Variants in SCD observed in about 807,000 individuals in gnomAD.
SCD encodes the protein acyl-CoA desaturase.
Under a neutral mutation model 35.7 loss-of-function variants are expected in SCD, and 4 were observed. The observed-to-expected ratio is 0.11, with a 90% CI of 0.06 to 0.26. The LOEUF (loss-of-function observed/expected upper bound fraction) is 0.26, where lower values mean the gene tolerates loss of function less well. SCD is among the 10% of genes least tolerant of loss of function. The probability of loss-of-function intolerance (pLI) is 1.00; values close to 1 mark genes in which losing one functional copy is unlikely to be tolerated. For missense variants in SCD, 282 were observed against 460.7 expected (o/e 0.61, Z 3.55); for synonymous variants, 150 against 170.2 (o/e 0.88, Z 0.92).
rs1849928248 is a variant in SCD, at chr10:100,356,419, ACAAGCAATT to A, written c.648-109_648-101del. 1.3e-6 allele frequency: 1 copy of A among 764,682 alleles called. No individual in the cohort carries two copies. Among genetic ancestry groups the A allele is most frequent in the African/African-American group, 1.8e-5 (1 of 56,272 alleles). The allele number at this position is 764,682 out of a possible 1,614,324, so 47.4% of individuals were successfully genotyped here. A position where few individuals can be genotyped will look rare whatever the true frequency, so the allele number is the denominator to read the frequency against. On this transcript the variant is annotated intron_variant, in intron 4 of 5. Transcript: ENST00000370355. The surrounding 1 kb of genome is among the most constrained non-coding windows in gnomAD (Gnocchi z 4.1). ...AATAAAACAATGAACTTAGAGTCAG[ACAAGCAATT>A]CAACATGGAAGAAAGACAGCCCATC...
In SCD at chr10:100,361,800, C is replaced by T. The variant is rs779792978; in HGVS notation, c.*867C>T. On this transcript the variant is annotated 3_prime_UTR_variant, in exon 6 of 6. Coordinates refer to ENST00000370355, the MANE Select transcript of SCD (RefSeq NM_005063.5). ...TTTCTTAGTTCATATATCAAGAAGT[C>T]TTGAAGTTGGGTGTTTCCAGAATTG... 1.3e-5 allele frequency: 2 copies of T among 152,094 alleles called. No individual in the cohort carries two copies. Among genetic ancestry groups the T allele is most frequent in the Non-Finnish European group, 2.9e-5 (2 of 68,014 alleles). 9.4% of individuals were successfully genotyped at this position (152,094 alleles called of 1,614,324 possible).
chr10:100,362,539 G>A lies in SCD; in HGVS notation c.*1606G>A, dbSNP rs200641449. 5.3e-5 allele frequency: 8 copies of A among 152,218 alleles called. No individual in the cohort carries two copies. Among genetic ancestry groups the A allele is most frequent in the African/African-American group, 1.7e-4 (7 of 41,424 alleles). The allele number at this position is 152,218 out of a possible 1,614,324, so 9.4% of individuals were successfully genotyped here. A position where few individuals can be genotyped will look rare whatever the true frequency, so the allele number is the denominator to read the frequency against. On this transcript the variant is annotated 3_prime_UTR_variant, in exon 6 of 6. Transcript: ENST00000370355. ...GACCAGATCTTTCTCTTCCCTGAAC[G>A]TTTTCTTCTTTCCCTGGACAGGCAG...
Position 100,348,270 on chromosome 10 carries a change from T to A in SCD, c.234T>A (p.Leu78=), listed in dbSNP as rs200738557. The A allele has an allele frequency of 1.2e-6, 2 of 1,614,056 alleles. No individual in the cohort carries two copies. Among genetic ancestry groups the A allele is most frequent in the Non-Finnish European group, 1.7e-6 (2 of 1,179,954 alleles). Residue 78 remains leucine (L), a synonymous_variant, in exon 2 of 6, where the codon CTT becomes CTA. Transcript: ENST00000370355. ...KVEYVWRNII[L]MSLLHLGALY... ...AATATGTCTGGAGAAACATCATCCT[T>A]ATGTCTCTGCTACACTTGGGAGCCC...
chr10:100,353,989 A>G (rs888053421), intron 3 of SCD, among the ~76,000 whole-genome samples: 4 of 152,248 alleles, frequency 2.6e-5, no homozygotes, highest in African/African-American at 9.6e-5. Flanking sequence ...AGAATGGTGC[A>G]CCCTGCAGCT....
Position 100,361,483 on chromosome 10 carries a change from A to C in SCD, c.*550A>C, listed in dbSNP as rs1418151527. 1 of 156,396 alleles carries C rather than the reference A, an allele frequency of 6.4e-6. No individual in the cohort carries two copies. Among genetic ancestry groups the C allele is most frequent in the Non-Finnish European group, 1.4e-5 (1 of 70,550 alleles). 9.7% of individuals were successfully genotyped at this position (156,396 alleles called of 1,614,324 possible). On this transcript the variant is annotated 3_prime_UTR_variant, in exon 6 of 6. Transcript: ENST00000370355. Reference sequence around the variant, plus strand: ...TAAAGCAGGTAAATTGTCGGGGGAGAGAGTTAGCATGTATGAATGTAAGGA... The same window carrying C: ...TAAAGCAGGTAAATTGTCGGGGGAGCGAGTTAGCATGTATGAATGTAAGGA...
At chr10:100,350,957 A>G (rs1315320079) in intron 2 of SCD, among the ~76,000 whole-genome samples, 6 of 152,074 alleles carry the variant, frequency 3.9e-5, no homozygotes, top group Admixed American at 3.9e-4. Context: ...TTATAGGAGG[A>G]ATAGAAGAGA....
intron 1 of SCD, 96 bp from the exon 2 acceptor site, chr10:100,347,967 AC>A: frequency 7.9e-7 from 1 of 1,262,622 alleles, no homozygotes; most frequent in Non-Finnish European, 1.1e-6. Context: ...AAGGGTCCGT[AC>A]TGTCCACCCT....
In SCD at chr10:100,361,735, G is replaced by A. The variant is rs200481287; in HGVS notation, c.*802G>A. On this transcript the variant is annotated 3_prime_UTR_variant, in exon 6 of 6. Transcript: ENST00000370355. ...TGTAGTAAAAGTGGTCTCTGCTGGGGAAGGGTTTTCTTTTCTTTTTTTCTT... is the reference window on the plus strand; with the variant it reads ...TGTAGTAAAAGTGGTCTCTGCTGGGAAAGGGTTTTCTTTTCTTTTTTTCTT... 1.3e-5 allele frequency: 2 copies of A among 152,230 alleles called. No individual in the cohort carries two copies. The highest frequency in any genetic ancestry group is 6.5e-5 in the Admixed American group (1 of 15,278). 9.4% of individuals were successfully genotyped at this position (152,230 alleles called of 1,614,324 possible).
chr10:100,356,527 T>C lies in SCD; in HGVS notation c.648-5T>C, dbSNP rs1451222025. The C allele has an allele frequency of 2.5e-6, 4 of 1,611,990 alleles. No individual in the cohort carries two copies. Among genetic ancestry groups the C allele is most frequent in the African/African-American group, 2.7e-5 (2 of 74,890 alleles). ...ATTGACCTGGTGTCTGGTCTGTCAA[T>C]GTAGGTACTACAAACCTGGCTTGCT... On this transcript the variant is annotated splice_polypyrimidine_tract_variant and splice_region_variant and intron_variant, in intron 4 of 5. Transcript: ENST00000370355. The surrounding 1 kb of genome is among the most constrained non-coding windows in gnomAD (Gnocchi z 4.1).
In SCD at chr10:100,355,962, A is replaced by G. The variant is rs537461143; in HGVS notation, c.648-570A>G. The stretch of plus-strand genomic sequence containing the variant: ...CACAGACTGAAAAAGAGTGCTGATT[A>G]GAAAGAGAAAGGAGCCCAAAGGCAG... On this transcript the variant is annotated intron_variant, in intron 4 of 5. Coordinates refer to ENST00000370355, the MANE Select transcript of SCD (RefSeq NM_005063.5). 2.0e-5 allele frequency among the ~76,000 whole-genome samples: 3 copies of G among 152,370 alleles called. No individual in the cohort carries two copies. In the South Asian group the frequency reaches 6.2e-4, roughly 32 times the overall value.
chr10:100,347,643 C>G, intron 1 of SCD, 112 bp downstream of exon 1: 1 of 1,236,228 alleles, frequency 8.1e-7, no homozygotes, highest in Non-Finnish European at 1.1e-6. Flanking sequence ...ACTTGGTCAT[C>G]TTTTTCGAGT....
intron 2 of SCD, among the ~76,000 whole-genome samples, chr10:100,348,589 G>GAC (rs10635975): frequency 0.48 from 72,705 of 151,384 alleles, 18,024 homozygotes; most frequent in African/African-American, 0.61. Flanking sequence ...TTTGAAGTGT[G>GAC]CTGTGCTGGA....
rs553495919 is a variant in SCD, at chr10:100,352,794, G to A, written c.441+298G>A. Among the ~76,000 whole-genome samples the A allele has an allele frequency of 1.9e-4, 29 of 152,310 alleles. No homozygotes were observed. Among genetic ancestry groups the A allele is most frequent in the African/African-American group, 6.7e-4 (28 of 41,558 alleles). On this transcript the variant is annotated intron_variant, in intron 3 of 5. Coordinates refer to ENST00000370355, the MANE Select transcript of SCD (RefSeq NM_005063.5). The surrounding 1 kb of genome is among the most constrained non-coding windows in gnomAD (Gnocchi z 4.2). ...TGGCCGTTGTGGCTCTTCATCATAA[G>A]GGGCTTTGGCACATAAGCCAGAGAC...
At chr10:100,359,848 CTA>C (rs1849971795) in intron 5 of SCD, among the ~76,000 whole-genome samples, 1 of 152,074 alleles carries the variant, frequency 6.6e-6, no homozygotes, top group Admixed American at 6.5e-5. Flanking sequence ...GGCAAACTCT[CTA>C]TCTGTCGAGT....
Position 100,356,526 on chromosome 10 carries a change from A to G in SCD, c.648-6A>G, listed in dbSNP as rs1554834526. ...CATTGACCTGGTGTCTGGTCTGTCAATGTAGGTACTACAAACCTGGCTTGC... is the reference window on the plus strand; with the variant it reads ...CATTGACCTGGTGTCTGGTCTGTCAGTGTAGGTACTACAAACCTGGCTTGC... On this transcript the variant is annotated splice_polypyrimidine_tract_variant and splice_region_variant and intron_variant, in intron 4 of 5. Transcript: ENST00000370355. The surrounding 1 kb of genome is among the most constrained non-coding windows in gnomAD (Gnocchi z 4.1). The G allele has an allele frequency of 1.2e-6, 2 of 1,611,698 alleles. No individual in the cohort carries two copies. The highest frequency in any genetic ancestry group is 1.7e-6 in the Non-Finnish European group (2 of 1,177,784).
chr10:100,356,378 A>C lies in SCD; in HGVS notation c.648-154A>C, dbSNP rs1233578253. Reference sequence around the variant, plus strand: ...GCAACAGAGTGAGACCCTGTCAAAAAAAACAAACAAAAATAAATAAAACAA... The same window carrying C: ...GCAACAGAGTGAGACCCTGTCAAAACAAACAAACAAAAATAAATAAAACAA... On this transcript the variant is annotated intron_variant, in intron 4 of 5. Coordinates refer to ENST00000370355, the MANE Select transcript of SCD (RefSeq NM_005063.5). The surrounding 1 kb of genome is among the most constrained non-coding windows in gnomAD (Gnocchi z 4.1). Among the ~76,000 whole-genome samples the C allele has an allele frequency of 6.6e-5, 10 of 152,206 alleles. No individual in the cohort carries two copies. Among genetic ancestry groups the C allele is most frequent in the Non-Finnish European group, 8.8e-5 (6 of 68,040 alleles).
At chr10:100,351,370 A>T (rs912025040) in intron 2 of SCD, among the ~76,000 whole-genome samples, 4 of 152,230 alleles carry the variant, frequency 2.6e-5, no homozygotes, top group South Asian at 2.1e-4. Flanking sequence ...ATGGGCTGAC[A>T]GGGATGTGGC....
intron 2 of SCD, among the ~76,000 whole-genome samples, chr10:100,351,726 G>A (rs979387888): frequency 6.6e-6 from 1 of 151,960 alleles, no homozygotes; most frequent in African/African-American, 2.4e-5. Context: ...CCGCAGCCTC[G>A]ACCTCCTGAG....
chr10:100,358,045 G>T (rs1030134313), intron 5 of SCD, among the ~76,000 whole-genome samples: 8 of 152,060 alleles, frequency 5.3e-5, no homozygotes, highest in African/African-American at 1.9e-4. Context: ...TGTTGCCCAG[G>T]TTTCAGTGCA....
Sources: gnomAD v4.1 joint callset for allele counts (sites outside exome capture counted in the v4.1 genomes callset) on GRCh38, gnomAD v4.1.1 for gene constraint, Gnocchi (gnomAD v3.1) non-coding constraint, MANE v1.5 for transcripts, NCBI Gene and HGNC (gene_info 2026-07-23, HGNC 2026-07-21) for gene names.